Variants in PIK3AP1 observed in about 807,000 individuals in gnomAD.
PIK3AP1 encodes phosphoinositide-3-kinase adaptor protein 1.
Under a neutral mutation model 88.1 loss-of-function variants are expected in PIK3AP1, and 21 were observed. The observed-to-expected ratio is 0.24, with a 90% CI of 0.17 to 0.34. The LOEUF (loss-of-function observed/expected upper bound fraction) is 0.34, where lower values mean the gene tolerates loss of function less well. Among genes scored for constraint, PIK3AP1 ranks in the 10% least tolerant of loss-of-function variants. The probability of loss-of-function intolerance (pLI) is 1.00; values close to 1 mark genes in which losing one functional copy is unlikely to be tolerated. For synonymous variants in PIK3AP1, 398 were observed against 400.0 expected (o/e 1.00, Z 0.06); for missense variants, 828 against 1,035.7 (o/e 0.80, Z 2.75).
intron 16 of PIK3AP1, among the ~76,000 whole-genome samples, chr10:96,600,771 G>A (rs1165404237): frequency 6.6e-6 from 1 of 152,152 alleles, no homozygotes; most frequent in Admixed American, 6.5e-5. Context: ...ACAAAACCCT[G>A]GTTGAAGAAA....
intron 8 of PIK3AP1, among the ~76,000 whole-genome samples, chr10:96,629,948 G>GAAA (rs1843222900): frequency 1.4e-5 from 1 of 69,602 alleles, no homozygotes; most frequent in Non-Finnish European, 3.2e-5. Context: ...AGAAGAAGAA[G>GAAA]AAGAAGAAGA....
At chr10:96,708,574 CAAAAAAA>C (rs924470384) in intron 2 of PIK3AP1, among the ~76,000 whole-genome samples, 481 of 12,780 alleles carry the variant, frequency 0.038, 5 homozygotes, top group African/African-American at 0.086. Context: ...GGATCTGTCT[CAAAAAAA>C]AAAAAAAAAA....
intron 13 of PIK3AP1, among the ~76,000 whole-genome samples, chr10:96,614,484 C>T (rs1247891367): frequency 6.6e-6 from 1 of 151,506 alleles, no homozygotes; most frequent in East Asian, 1.9e-4. Context: ...ATTTAAAATC[C>T]AGACACCCAA....
intron 2 of PIK3AP1, among the ~76,000 whole-genome samples, chr10:96,696,823 C>T (rs961339357): frequency 6.6e-6 from 1 of 152,128 alleles, no homozygotes. Context: ...ATTTAAAATT[C>T]TATTGTGAAG....
chr10:96,612,565 T>C (rs2134192451), intron 13 of PIK3AP1, among the ~76,000 whole-genome samples: 1 of 152,264 alleles, frequency 6.6e-6, no homozygotes, highest in Non-Finnish European at 1.5e-5. Context: ...CAATAATATG[T>C]CATATTTACT....
intron 8 of PIK3AP1, among the ~76,000 whole-genome samples, chr10:96,638,850 G>C (rs1843348392): frequency 1.3e-5 from 2 of 152,196 alleles, no homozygotes; most frequent in Admixed American, 1.3e-4. Flanking sequence ...TCTCTCACTA[G>C]AATGTAAGCT....
In PIK3AP1 at chr10:96,620,331, AT is replaced by A; in HGVS notation, c.1941+20del. ...AAGTGGGGAAATAGACATGAAACAAATTCCATACGAAGCTAGTTACCTGCTG... is the reference window on the plus strand; with the variant it reads ...AAGTGGGGAAATAGACATGAAACAAATCCATACGAAGCTAGTTACCTGCTG... On this transcript the variant is annotated intron_variant, in intron 12 of 16. Transcript: ENST00000339364. 6.2e-7 allele frequency: 1 copy of A among 1,612,102 alleles called. No individual in the cohort carries two copies. The highest frequency in any genetic ancestry group is 1.3e-5 in the African/African-American group (1 of 75,002).
At chr10:96,693,559 C>A (rs951698890) in intron 2 of PIK3AP1, among the ~76,000 whole-genome samples, 2 of 152,174 alleles carry the variant, frequency 1.3e-5, no homozygotes, top group Non-Finnish European at 2.9e-5. Context: ...AGAGGAAGAG[C>A]TTCTTCTCTG....
In PIK3AP1 at chr10:96,623,467, C is replaced by T. The variant is rs1843114453; in HGVS notation, c.1735+5G>A. The stretch of plus-strand genomic sequence containing the variant: ...AAAGTTCAGTTCATATAACACATGG[C>T]TTACCTTTCCTGATGCTCTCTGAGG... On this transcript the variant is annotated splice_donor_5th_base_variant and intron_variant, in intron 11 of 16. Coordinates refer to ENST00000339364, the MANE Select transcript of PIK3AP1 (RefSeq NM_152309.3). The T allele has an allele frequency of 1.2e-6, 2 of 1,608,558 alleles. No homozygotes were observed. Among genetic ancestry groups the T allele is most frequent in the South Asian group, 1.1e-5 (1 of 90,972 alleles).
At chr10:96,661,263 A>G (rs1843682003) in intron 2 of PIK3AP1, among the ~76,000 whole-genome samples, 1 of 152,158 alleles carries the variant, frequency 6.6e-6, no homozygotes, top group Non-Finnish European at 1.5e-5. Flanking sequence ...AGAACTATGG[A>G]TCACTGATTG....
chr10:96,657,039 G>C, intron 2 of PIK3AP1, 105 bp from the exon 3 acceptor site: 1 of 1,235,314 alleles, frequency 8.1e-7, no homozygotes, highest in Non-Finnish European at 1.1e-6. Flanking sequence ...AAACGGCTCT[G>C]AATGTCAAAC....
chr10:96,624,593 C>T (rs189711468), intron 10 of PIK3AP1, among the ~76,000 whole-genome samples: 18 of 151,560 alleles, frequency 1.2e-4, no homozygotes, highest in Admixed American at 3.3e-4. Context: ...TTTGGGAGGC[C>T]GAGGCAGGAG....
intron 6 of PIK3AP1, among the ~76,000 whole-genome samples, chr10:96,650,596 C>T (rs900090272): frequency 3.3e-5 from 5 of 152,304 alleles, no homozygotes; most frequent in Non-Finnish European, 7.3e-5. Context: ...AGGTCAATGG[C>T]ACCCAACATG....
At chr10:96,635,777 C>T (rs1243767637) in intron 8 of PIK3AP1, among the ~76,000 whole-genome samples, 4 of 151,718 alleles carry the variant, frequency 2.6e-5, no homozygotes, top group Admixed American at 6.6e-5. Context: ...TGGTGGTGGG[C>T]GCCTGTGGTC....
At chr10:96,680,345 G>A (rs1020425218) in intron 2 of PIK3AP1, among the ~76,000 whole-genome samples, 1 of 152,064 alleles carries the variant, frequency 6.6e-6, no homozygotes, top group South Asian at 2.1e-4. Flanking sequence ...TACATGTGCA[G>A]GTTTGTTATA....
chr10:96,603,701 CACACACACA>C (rs1848948178), intron 15 of PIK3AP1: 6 of 250,046 alleles, frequency 2.4e-5, no homozygotes, highest in African/African-American at 1.2e-4. Flanking sequence ...CACACACACA[CACACACACA>C]CCACATATAT....
Position 96,709,923 on chromosome 10 carries a change from TGGCACCATTCCTCGGCATCC to T in PIK3AP1, c.54_73del (p.Asp19ValfsTer102). 1 of 1,609,526 alleles carries T rather than the reference TGGCACCATTCCTCGGCATCC, an allele frequency of 6.2e-7. No individual in the cohort carries two copies. The highest frequency in any genetic ancestry group is 8.5e-7 in the Non-Finnish European group (1 of 1,176,854). On this transcript the variant is annotated frameshift_variant, in exon 2 of 17. Coordinates refer to ENST00000339364, the MANE Select transcript of PIK3AP1 (RefSeq NM_152309.3). LOFTEE classifies it high-confidence loss of function. ...GGACAGGAACAGGGTCTGCAGGTAC[TGGCACCATTCCTCGGCATCC>T]GGGCTGTAGACGATGAGGATGTCGC...
chr10:96,645,692 C>G (rs1418567136), intron 7 of PIK3AP1, 30 bp from the exon 8 acceptor site: 1 of 1,549,342 alleles, frequency 6.5e-7, no homozygotes, highest in South Asian at 1.2e-5. Flanking sequence ...CCACGGCGCC[C>G]TGAGGCAGCC....
chr10:96,685,569 C>T (rs923462598), intron 2 of PIK3AP1, among the ~76,000 whole-genome samples: 3 of 152,174 alleles, frequency 2.0e-5, no homozygotes, highest in East Asian at 1.9e-4. Flanking sequence ...CACAGCCCTG[C>T]GAGGTGTGCA....
Sources: gnomAD v4.1 joint callset for allele counts (sites outside exome capture counted in the v4.1 genomes callset) on GRCh38, gnomAD v4.1.1 for gene constraint, MANE v1.5 for transcripts, NCBI Gene and HGNC (gene_info 2026-07-23, HGNC 2026-07-21) for gene names.